The following GRIK1 variants were observed in gnomAD, a reference collection of about 807,000 sequenced individuals.
GRIK1 encodes the protein glutamate receptor ionotropic, kainate 1.
Under a neutral mutation model 105.7 loss-of-function variants are expected in GRIK1, and 69 were observed. That is an observed-to-expected ratio of 0.65 (90% CI 0.54 to 0.80). GRIK1 has a LOEUF of 0.80. Ranked by LOEUF, GRIK1 falls within the 30% of genes least tolerant of loss-of-function variation. The pLI, the probability that GRIK1 is intolerant of heterozygous loss-of-function variation, is 0.00. For missense variants in GRIK1, 1,109 were observed against 1,167.3 expected, an observed-to-expected ratio of 0.95 and a Z score of 0.73; for synonymous variants, 438 against 431.3, an observed-to-expected ratio of 1.02 and a Z score of -0.19.
chr21:29,581,464 T>C lies in GRIK1; in HGVS notation c.1873A>G (p.Asn625Asp). 2 of 1,613,092 alleles carry C rather than the reference T, an allele frequency of 1.2e-6. No homozygotes were observed. Among genetic ancestry groups the C allele is most frequent in the Non-Finnish European group, 1.7e-6 (2 of 1,179,268 alleles). The change falls in exon 13 of 18, where the codon AAT (asparagine) becomes GAT (aspartate). Residue 625 changes from asparagine to aspartate, a missense_variant. Physicochemically the swap from Asn to Asp is conservative, Grantham distance 23. Transcript: ENST00000327783. ...DVVENNFTLL[N>D]SFWFGVGALM... ...GCTCCAACTCCAAACCAGAAACTAT[T>C]TAGTAAAGTAAAATTGTTTTCCACC...
intron 4 of GRIK1, among the ~76,000 whole-genome samples, chr21:29,671,978 T>A (rs973764658): frequency 6.6e-6 from 1 of 152,036 alleles, no homozygotes; most frequent in Admixed American, 6.6e-5. Context: ...CTTCAGACAT[T>A]GCTCTAAGTT....
intron 7 of GRIK1, among the ~76,000 whole-genome samples, chr21:29,638,935 A>G (rs1227092372): frequency 6.6e-6 from 1 of 152,250 alleles, no homozygotes; most frequent in Non-Finnish European, 1.5e-5. Context: ...TTATAGAAGG[A>G]GGAACTGAGA....
At chr21:29,767,259 ATG>A (rs2065690450) in intron 1 of GRIK1, among the ~76,000 whole-genome samples, 1 of 152,212 alleles carries the variant, frequency 6.6e-6, no homozygotes, top group Non-Finnish European at 1.5e-5. Flanking sequence ...AATATCCTGT[ATG>A]TCTTTTTCTG....
At chr21:29,756,138 T>C (rs541236476) in intron 1 of GRIK1, among the ~76,000 whole-genome samples, 1 of 152,266 alleles carries the variant, frequency 6.6e-6, no homozygotes, top group Admixed American at 6.5e-5. Flanking sequence ...TCCCAGCACT[T>C]TGGGAGGCCG....
chr21:29,608,899 A>G (rs769699584), intron 7 of GRIK1, among the ~76,000 whole-genome samples: 2 of 152,090 alleles, frequency 1.3e-5, no homozygotes, highest in African/African-American at 2.4e-5. Context: ...TCTTTTTAAT[A>G]GTCCAGGAGC....
At chr21:29,931,199 T>C (rs2071552616) in intron 1 of GRIK1, among the ~76,000 whole-genome samples, 1 of 152,218 alleles carries the variant, frequency 6.6e-6, no homozygotes, top group Non-Finnish European at 1.5e-5. Context: ...AATGTCATTT[T>C]CTTGTTGCTG....
chr21:29,626,665 T>C (rs755696615), intron 7 of GRIK1, among the ~76,000 whole-genome samples: 1 of 152,204 alleles, frequency 6.6e-6, no homozygotes, highest in Non-Finnish European at 1.5e-5. Flanking sequence ...TTTTTGCTAA[T>C]TGATTCATGC....
chr21:29,788,246 G>A (rs1206999895), intron 1 of GRIK1, among the ~76,000 whole-genome samples: 3 of 152,226 alleles, frequency 2.0e-5, no homozygotes, highest in Non-Finnish European at 4.4e-5. Context: ...GCTTGGAAGG[G>A]CGAATTGTTA....
At chr21:29,719,090 A>G (rs1038319417) in intron 1 of GRIK1, among the ~76,000 whole-genome samples, 5 of 148,756 alleles carry the variant, frequency 3.4e-5, no homozygotes, top group African/African-American at 1.2e-4. Flanking sequence ...ACATATATAT[A>G]TATATATATA....
intron 1 of GRIK1, among the ~76,000 whole-genome samples, chr21:29,697,081 T>G (rs977387053): frequency 2.6e-5 from 4 of 152,226 alleles, no homozygotes; most frequent in African/African-American, 9.6e-5. Context: ...TGTCTGGGAC[T>G]GACTCAGTTG....
At chr21:29,555,431 G>A in intron 15 of GRIK1, 129 bp from the exon 16 acceptor site, 3 of 806,500 alleles carry the variant, frequency 3.7e-6, no homozygotes, top group Non-Finnish European at 6.0e-6. Flanking sequence ...AAATTGACTT[G>A]CAAAGGACAG....
At chr21:29,805,211 A>G (rs554268127) in intron 1 of GRIK1, among the ~76,000 whole-genome samples, 66 of 152,300 alleles carry the variant, frequency 4.3e-4, no homozygotes, top group African/African-American at 1.4e-3. Flanking sequence ...CCTAGTTGTT[A>G]GAATGCTAGA....
rs762467263 is a variant in GRIK1 at position 29,689,968 on chromosome 21, G to C, written c.304C>G (p.Leu102Val). Residue 102 changes from leucine to valine, a missense_variant, in exon 3 of 18, where the codon CTT becomes GTT. Coordinates refer to ENST00000327783, the MANE Select transcript of GRIK1 (RefSeq NM_001330994.2). The stretch of plus-strand genomic sequence containing the variant: ...GGGCCAAAGAGAGCAGCCACACCAA[G>C]AGCCAGCTGGTCACATGCTGATGCC... Reference protein sequence around the residue: ...ASRRACDQLALGVAALFGPSH... With the variant: ...ASRRACDQLAVGVAALFGPSH... 27 of 1,610,882 alleles carry C rather than the reference G, an allele frequency of 1.7e-5. No homozygotes were observed. The Admixed American group carries it at 4.5e-4, about 27-fold the overall frequency.
intron 1 of GRIK1, among the ~76,000 whole-genome samples, chr21:29,910,098 T>C (rs1343746364): frequency 6.6e-6 from 1 of 152,142 alleles, no homozygotes; most frequent in African/African-American, 2.4e-5. Flanking sequence ...AACTCCATTC[T>C]CTGTGATATG....
At chr21:29,872,628 G>A (rs1010771898) in intron 1 of GRIK1, among the ~76,000 whole-genome samples, 6 of 152,154 alleles carry the variant, frequency 3.9e-5, no homozygotes, top group African/African-American at 1.4e-4. Context: ...AGAAAAAAGA[G>A]GTTTGATGGA....
At position 29,895,830 on chromosome 21, in the gene GRIK1, G is replaced by A. The variant is rs377213106; in HGVS notation, c.118+43553C>T. 9.2e-5 allele frequency among the ~76,000 whole-genome samples: 14 copies of A among 152,226 alleles called. No homozygotes were observed. In the East Asian group the frequency reaches 1.7e-3, roughly 19 times the overall value. On this transcript the variant is annotated intron_variant, in intron 1 of 17. Transcript: ENST00000327783. ...AAGCAGTTTACCTTCTCTTAGCCTC[G>A]GGTTTTCACATACGTGAAATTCAGA... is the stretch of plus-strand genomic sequence containing the variant.
At chr21:29,721,359 G>A (rs1405920317) in intron 1 of GRIK1, among the ~76,000 whole-genome samples, 2 of 152,194 alleles carry the variant, frequency 1.3e-5, no homozygotes, top group Middle Eastern at 3.4e-3. Flanking sequence ...GAACATTGTG[G>A]ATGAAAAGGG....
At chr21:29,723,308 A>C in intron 1 of GRIK1, among the ~76,000 whole-genome samples, 1 of 152,380 alleles carries the variant, frequency 6.6e-6, no homozygotes, top group Middle Eastern at 3.4e-3. Flanking sequence ...TTTATTTCTC[A>C]TTATAAAGGC....
Position 29,550,086 on chromosome 21 carries a change from C to T in GRIK1, c.2607+4966G>A, listed in dbSNP as rs1443795671. On this transcript the variant is annotated intron_variant, in intron 16 of 17. Transcript: ENST00000327783. The stretch of plus-strand genomic sequence containing the variant: ...TGGCGTGACTGCACTCCAGCCTGGG[C>T]GACAGAGAAAGACTCCATCTCAAAA... Among the ~76,000 whole-genome samples the T allele has an allele frequency of 1.1e-4, 12 of 109,502 alleles. No individual in the cohort carries two copies. The Admixed American group carries it at 1.5e-3, about 14-fold the overall frequency. The allele number at this position is 109,502 out of a possible 152,430, so 71.8% of individuals were successfully genotyped here.
Sources: gnomAD v4.1 joint callset for allele counts (sites outside exome capture counted in the v4.1 genomes callset) on GRCh38, gnomAD v4.1.1 for gene constraint, MANE v1.5 for transcripts, NCBI Gene and HGNC (gene_info 2026-07-23, HGNC 2026-07-21) for gene names.